Variants in XRCC4 observed in about 807,000 individuals in gnomAD.
XRCC4 encodes X-ray repair cross complementing 4.
Under a neutral mutation model 39.1 loss-of-function variants are expected in XRCC4, and 28 were observed. That is an observed-to-expected ratio of 0.72 (90% CI 0.53 to 0.98). The LOEUF (loss-of-function observed/expected upper bound fraction) is 0.98. XRCC4 is among the 50% of genes least tolerant of loss of function. The pLI is 0.00. For synonymous variants in XRCC4, 123 were observed against 126.4 expected (o/e 0.97, Z 0.18); for missense variants, 350 against 376.4 (o/e 0.93, Z 0.58).
At chr5:83,115,001 G>T (rs1189368996) in intron 3 of XRCC4, among the ~76,000 whole-genome samples, 1 of 152,132 alleles carries the variant, frequency 6.6e-6, no homozygotes, top group Non-Finnish European at 1.5e-5. Flanking sequence ...GAGAGCATGT[G>T]CAGGGGAGCT....
intron 3 of XRCC4, among the ~76,000 whole-genome samples, chr5:83,115,265 T>C (rs1746655488): frequency 6.6e-6 from 1 of 152,122 alleles, no homozygotes; most frequent in Admixed American, 6.5e-5. Flanking sequence ...CCGTCTCTAC[T>C]AAGAATACAA....
intron 7 of XRCC4, among the ~76,000 whole-genome samples, chr5:83,299,327 G>A (rs1200001187): frequency 6.6e-6 from 1 of 151,976 alleles, no homozygotes; most frequent in Non-Finnish European, 1.5e-5. Context: ...TTTTAAGATT[G>A]CTCTTATGTC....
chr5:83,129,440 G>A (rs1193933895), intron 3 of XRCC4, among the ~76,000 whole-genome samples: 1 of 152,002 alleles, frequency 6.6e-6, no homozygotes. Flanking sequence ...TTTTGCTTAG[G>A]ATAATCTTGG....
intron 7 of XRCC4, among the ~76,000 whole-genome samples, chr5:83,312,474 A>G (rs564165262): frequency 7.2e-5 from 11 of 152,326 alleles, no homozygotes; most frequent in African/African-American, 2.6e-4. Flanking sequence ...GAGGAGCATC[A>G]TATTAGGTCA....
chr5:83,336,966 T>A (rs1756613181), intron 7 of XRCC4, among the ~76,000 whole-genome samples: 1 of 152,200 alleles, frequency 6.6e-6, no homozygotes, highest in African/African-American at 2.4e-5. Context: ...CCAGCTATAG[T>A]TGTCAGAAAT....
At chr5:83,359,211 A>G in the XRCC4 span, among the ~76,000 whole-genome samples, 2 of 152,124 alleles carry the variant, frequency 1.3e-5, no homozygotes, top group Non-Finnish European at 2.9e-5. Flanking sequence ...ACCTACTTAT[A>G]GTAGGGGAAA....
At chr5:83,139,806 A>G (rs1367472975) in intron 3 of XRCC4, among the ~76,000 whole-genome samples, 1 of 152,218 alleles carries the variant, frequency 6.6e-6, no homozygotes, top group Non-Finnish European at 1.5e-5. Flanking sequence ...CAGAATAGGT[A>G]CAGTAAAAAT....
At chr5:83,080,854 CCACTT>C (rs1293153813) in intron 1 of XRCC4, among the ~76,000 whole-genome samples, 2 of 152,128 alleles carry the variant, frequency 1.3e-5, no homozygotes, top group African/African-American at 4.8e-5. Flanking sequence ...GGAAAGTTCT[CCACTT>C]AATAAGGAAG....
chr5:83,235,478 C>T (rs1752655351), intron 6 of XRCC4, among the ~76,000 whole-genome samples: 1 of 151,672 alleles, frequency 6.6e-6, no homozygotes, highest in African/African-American at 2.4e-5. Flanking sequence ...ATCACTTCCA[C>T]AGATGCCAAA....
intron 6 of XRCC4, among the ~76,000 whole-genome samples, chr5:83,254,812 C>T (rs1338469424): frequency 1.3e-5 from 2 of 152,024 alleles, no homozygotes; most frequent in Admixed American, 6.6e-5. Context: ...GTAGACCAGG[C>T]GCGGTGGCTC....
chr5:83,130,328 G>A (rs898473712), intron 3 of XRCC4, among the ~76,000 whole-genome samples: 6 of 152,104 alleles, frequency 3.9e-5, no homozygotes, highest in African/African-American at 9.7e-5. Flanking sequence ...CAACTTGATT[G>A]TGGTGGATAA....
intron 3 of XRCC4, 28 bp from the exon 4 acceptor site, chr5:83,195,742 A>G (rs1179982656): frequency 6.5e-7 from 1 of 1,527,784 alleles, no homozygotes; most frequent in Non-Finnish European, 8.8e-7. Flanking sequence ...ATTTTCCCCA[A>G]ATTAACCATG....
At chr5:83,228,219 A>G (rs28360193) in intron 6 of XRCC4, among the ~76,000 whole-genome samples, 4 of 152,064 alleles carry the variant, frequency 2.6e-5, no homozygotes. Flanking sequence ...CAATATAAAT[A>G]ACATATAACA....
Position 83,104,985 on chromosome 5 carries a change from A to G in XRCC4, c.66A>G (p.Val22=), listed in dbSNP as rs766014231. ...SEPSITHFLQ[V]SWEKTLESGF... is the part of the protein sequence containing the mutation. ...CCAGTATAACTCATTTTCTACAAGT[A>G]TCTTGGGAGAAAACACTGGAATCTG... The change falls in exon 2 of 8, where the codon GTA becomes GTG. Residue 22 remains valine (V), a synonymous_variant. Transcript: ENST00000396027. 2 of 1,613,670 alleles carry G rather than the reference A, an allele frequency of 1.2e-6. No individual in the cohort carries two copies. The highest frequency in any genetic ancestry group is 1.7e-6 in the Non-Finnish European group (2 of 1,179,766).
At chr5:83,126,515 C>T (rs1747273664) in intron 3 of XRCC4, among the ~76,000 whole-genome samples, 1 of 152,140 alleles carries the variant, frequency 6.6e-6, no homozygotes, top group Admixed American at 6.6e-5. Flanking sequence ...TTGCAGAGAG[C>T]TTCAAGGCCC....
intron 7 of XRCC4, among the ~76,000 whole-genome samples, chr5:83,265,035 C>T (rs1161399420): frequency 6.6e-6 from 1 of 152,090 alleles, no homozygotes; most frequent in Non-Finnish European, 1.5e-5. Context: ...GATGAAATTG[C>T]ATGTGCCAAC....
At position 83,204,862 on chromosome 5, in the gene XRCC4, A is replaced by C. The variant is rs772174548; in HGVS notation, c.686A>C (p.Tyr229Ser). Residue 229 changes from tyrosine (Y) to serine (S), a missense_variant, in exon 6 of 8, where the codon TAT becomes TCT. Tyr to Ser is a moderately radical substitution (Grantham distance 144). Transcript: ENST00000396027. ...SEMTADRDPV[Y>S]DESTDEESEN... is the part of the protein sequence containing the mutation. ...ATGACTGCTGACCGAGATCCAGTCT[A>C]TGATGAGAGTACTGATGAGGAAAGT... 6.2e-7 allele frequency: 1 copy of C among 1,612,448 alleles called. No homozygotes were observed. Among genetic ancestry groups the C allele is most frequent in the Admixed American group, 1.7e-5 (1 of 59,980 alleles).
At chr5:83,161,869 G>A (rs936874467) in intron 3 of XRCC4, among the ~76,000 whole-genome samples, 1 of 152,148 alleles carries the variant, frequency 6.6e-6, no homozygotes, top group African/African-American at 2.4e-5. Context: ...CTCAAATTCT[G>A]GTTTGGCATA....
intron 3 of XRCC4, among the ~76,000 whole-genome samples, chr5:83,118,984 G>C (rs1000224268): frequency 2.0e-5 from 3 of 152,112 alleles, no homozygotes; most frequent in African/African-American, 7.2e-5. Flanking sequence ...TATTTTAGAA[G>C]TTTTATTTAT....
Sources: gnomAD v4.1 joint callset for allele counts (sites outside exome capture counted in the v4.1 genomes callset) on GRCh38, gnomAD v4.1.1 for gene constraint, MANE v1.5 for transcripts, NCBI Gene and HGNC (gene_info 2026-07-23, HGNC 2026-07-21) for gene names.